Variants in TEX9 observed in about 807,000 individuals in gnomAD.
TEX9 encodes testis-expressed protein 9.
A neutral mutation model predicts 59.6 loss-of-function variants in TEX9; 74 were observed. That is an observed-to-expected ratio of 1.24 (90% confidence interval 1.03 to 1.51). The LOEUF is 1.51. Ranked by LOEUF, TEX9 falls within the 40% of genes most tolerant of loss-of-function variation. The pLI, the probability that TEX9 is intolerant of heterozygous loss-of-function variation, is 0.00. For missense variants in TEX9, 522 were observed against 447.8 expected, an observed-to-expected ratio of 1.17 and a Z score of -1.49; for synonymous variants, 186 against 152.2, an observed-to-expected ratio of 1.22 and a Z score of -1.64.
chr15:56,260,300 T>A (rs1251620929), intron 1 of TEX9, among the ~76,000 whole-genome samples: 1 of 152,028 alleles, frequency 6.6e-6, no homozygotes, highest in Non-Finnish European at 1.5e-5. Context: ...TATATTTGAG[T>A]GGTTTCTGAA....
At chr15:56,427,685 A>AATG (rs1177466620) in exon 11 of TEX9, 2 of 1,532,948 alleles carry the variant, frequency 1.3e-6, no homozygotes, top group Non-Finnish European at 1.8e-6. Context: ...AAGGAGAATT[A>AATG]ATGATAGGGT....
At chr15:56,258,715 C>A (rs138065500) in intron 1 of TEX9, among the ~76,000 whole-genome samples, 2,101 of 151,834 alleles carry the variant, frequency 0.014, 54 homozygotes, top group African/African-American at 0.048. Flanking sequence ...ATTTAGATTT[C>A]TCTGATTACT....
At chr15:56,252,932 G>A (rs1314044377) in intron 1 of TEX9, among the ~76,000 whole-genome samples, 3 of 152,030 alleles carry the variant, frequency 2.0e-5, no homozygotes, top group Non-Finnish European at 4.4e-5. Flanking sequence ...TCCACACAAT[G>A]CTTTACACAT....
chr15:56,391,481 T>G (rs2048207791), intron 7 of TEX9, 63 bp downstream of exon 7: 11 of 1,154,320 alleles, frequency 9.5e-6, no homozygotes, highest in Non-Finnish European at 1.3e-5. Context: ...GAAGAAATCT[T>G]GGGGAACTAT....
At chr15:56,300,646 G>A (rs1333240102) in intron 1 of TEX9, among the ~76,000 whole-genome samples, 2 of 150,234 alleles carry the variant, frequency 1.3e-5, no homozygotes, top group East Asian at 4.0e-4. Context: ...GGCCACAGGG[G>A]TGCTTGTGTC....
At chr15:56,255,035 A>G (rs2141315492) in intron 1 of TEX9, among the ~76,000 whole-genome samples, 1 of 152,176 alleles carries the variant, frequency 6.6e-6, no homozygotes, top group East Asian at 1.9e-4. Flanking sequence ...AAAAGAGATG[A>G]TTTGTCTAAA....
At chr15:56,433,543 C>T (rs545510503) in intron 12 of TEX9, among the ~76,000 whole-genome samples, 1 of 152,280 alleles carries the variant, frequency 6.6e-6, no homozygotes, top group East Asian at 1.9e-4. Flanking sequence ...TCCTTAACAT[C>T]TCTCGGGTGG....
chr15:56,453,365 G>A, the TEX9 span, among the ~76,000 whole-genome samples: 3 of 152,040 alleles, frequency 2.0e-5, no homozygotes, highest in Non-Finnish European at 4.4e-5. Context: ...GATTATTGGT[G>A]ATCAATCTTC....
intron 1 of TEX9, among the ~76,000 whole-genome samples, chr15:56,279,432 T>TTAA (rs1205822010): frequency 3.3e-5 from 5 of 152,192 alleles, no homozygotes; most frequent in Non-Finnish European, 7.4e-5. Context: ...ATCAACAAGA[T>TTAA]GGTAAAGCTG....
intron 1 of TEX9, among the ~76,000 whole-genome samples, chr15:56,314,964 G>T (rs2141651925): frequency 6.6e-6 from 1 of 151,606 alleles, no homozygotes; most frequent in Non-Finnish European, 1.5e-5. Context: ...CAGAGACTGG[G>T]ATTGCAACCC....
intron 1 of TEX9, among the ~76,000 whole-genome samples, chr15:56,324,027 A>G (rs1408870403): frequency 6.6e-6 from 1 of 152,192 alleles, no homozygotes. Context: ...GGCCTGGTAC[A>G]GTATGGGGGT....
chr15:56,390,464 G>T (rs1015543057), intron 6 of TEX9, among the ~76,000 whole-genome samples: 2 of 151,906 alleles, frequency 1.3e-5, no homozygotes, highest in African/African-American at 4.8e-5. Context: ...TCATAAATGT[G>T]TATACCTACT....
At chr15:56,282,693 G>A (rs2044845753) in intron 1 of TEX9, among the ~76,000 whole-genome samples, 1 of 152,078 alleles carries the variant, frequency 6.6e-6, no homozygotes. Context: ...CCTGAAGGGT[G>A]GTTTAGAGTT....
At chr15:56,401,255 C>G (rs1195137499) in intron 9 of TEX9, among the ~76,000 whole-genome samples, 7 of 124,526 alleles carry the variant, frequency 5.6e-5, no homozygotes, top group African/African-American at 2.1e-4. Context: ...TGCAGAGACA[C>G]ACACAGGCTC....
At chr15:56,391,447 T>C in intron 7 of TEX9, 29 bp downstream of exon 7, 2 of 1,424,854 alleles carry the variant, frequency 1.4e-6, no homozygotes, top group Non-Finnish European at 1.9e-6. Flanking sequence ...TTTATTTTTA[T>C]CTTTATAGCA....
chr15:56,338,474 T>A (rs2713921), intron 1 of TEX9, among the ~76,000 whole-genome samples: 85,844 of 152,056 alleles, frequency 0.56, 24,497 homozygotes, highest in Non-Finnish European at 0.6. Flanking sequence ...CACAACTTAT[T>A]TGTACAACAG....
chr15:56,310,777 A>G (rs1327897026), intron 1 of TEX9, among the ~76,000 whole-genome samples: 1 of 152,210 alleles, frequency 6.6e-6, no homozygotes, highest in Non-Finnish European at 1.5e-5. Flanking sequence ...GGAGCACAGA[A>G]CAGAGGCAGC....
chr15:56,297,019 C>T (rs1309623997), intron 1 of TEX9, among the ~76,000 whole-genome samples: 2 of 150,752 alleles, frequency 1.3e-5, no homozygotes, highest in Admixed American at 6.6e-5. Context: ...TGTGATTAAG[C>T]TAAAACAGCA....
At chr15:56,439,763 A>C (rs74015427) in intron 12 of TEX9, among the ~76,000 whole-genome samples, 7 of 150,870 alleles carry the variant, frequency 4.6e-5, no homozygotes, top group Admixed American at 2.6e-4. Context: ...AAAAAAAAAA[A>C]CCCAAAAAAA....
Sources: gnomAD v4.1 joint callset for allele counts (sites outside exome capture counted in the v4.1 genomes callset) on GRCh38, gnomAD v4.1.1 for gene constraint, MANE v1.5 for transcripts, NCBI Gene and HGNC (gene_info 2026-07-23, HGNC 2026-07-21) for gene names.